The following ASIC2 variants were observed in gnomAD, a reference collection of about 807,000 sequenced individuals.
ASIC2 encodes acid-sensing ion channel 2.
A neutral mutation model predicts 57.3 loss-of-function variants in ASIC2; 25 were observed. The observed-to-expected ratio is 0.44, with a 90% CI of 0.32 to 0.61. ASIC2 has a LOEUF of 0.61. Among genes scored for constraint, ASIC2 ranks in the 20% least tolerant of loss-of-function variants. The pLI, the probability that ASIC2 is intolerant of heterozygous loss-of-function variation, is 0.06. For missense variants in ASIC2, 641 were observed against 738.1 expected (o/e 0.87, Z 1.52); for synonymous variants, 319 against 307.5 (o/e 1.04, Z -0.39).
chr17:33,653,824 T>C (rs1225256900), intron 1 of ASIC2, among the ~76,000 whole-genome samples: 1 of 152,238 alleles, frequency 6.6e-6, no homozygotes, highest in Non-Finnish European at 1.5e-5. Context: ...TCTGTAAATA[T>C]TGTTATTATT....
intron 1 of ASIC2, among the ~76,000 whole-genome samples, chr17:33,309,707 T>G (rs755207380): frequency 9.9e-5 from 15 of 151,952 alleles, no homozygotes; most frequent in Non-Finnish European, 2.2e-4. Flanking sequence ...GTCCATCCCT[T>G]AAAACCCCTT....
At chr17:33,147,918 T>C (rs977441937) in intron 1 of ASIC2, among the ~76,000 whole-genome samples, 1 of 152,182 alleles carries the variant, frequency 6.6e-6, no homozygotes, top group Non-Finnish European at 1.5e-5. Context: ...CCGGGATGCA[T>C]AGCTCTGTAT....
chr17:33,343,292 C>T (rs140279235), intron 1 of ASIC2, among the ~76,000 whole-genome samples: 56 of 152,274 alleles, frequency 3.7e-4, no homozygotes, highest in South Asian at 3.5e-3. Flanking sequence ...TCCCTTTATT[C>T]TTCTACACTC....
intron 1 of ASIC2, among the ~76,000 whole-genome samples, chr17:33,782,455 G>T (rs76647878): frequency 1.3e-5 from 2 of 151,130 alleles, no homozygotes; most frequent in African/African-American, 4.9e-5. Flanking sequence ...AGCTGGCCAG[G>T]CATGGTGGCT....
intron 1 of ASIC2, among the ~76,000 whole-genome samples, chr17:33,208,484 A>G (rs2142085343): frequency 6.6e-6 from 1 of 152,058 alleles, no homozygotes; most frequent in South Asian, 2.1e-4. Flanking sequence ...TCTTGCTGGC[A>G]CTTTGCCTGG....
chr17:34,039,237 G>A, intron 1 of ASIC2: 1 of 1,613,912 alleles, frequency 6.2e-7, no homozygotes, highest in South Asian at 1.1e-5. Flanking sequence ...TTTCTATTGT[G>A]AGGTCGGACT....
intron 1 of ASIC2, among the ~76,000 whole-genome samples, chr17:33,518,907 G>A (rs554421442): frequency 1.2e-4 from 18 of 151,606 alleles, no homozygotes; most frequent in African/African-American, 3.9e-4. Flanking sequence ...TGCAAGCTCC[G>A]CCTTCCGGGT....
chr17:33,578,711 G>A (rs377148362), intron 1 of ASIC2, among the ~76,000 whole-genome samples: 7 of 152,178 alleles, frequency 4.6e-5, no homozygotes, highest in African/African-American at 7.2e-5. Context: ...CAACTGACCC[G>A]GCTTGACCTT....
At position 33,429,571 on chromosome 17, in the gene ASIC2, T is replaced by C. The variant is rs191853859; in HGVS notation, c.556-317504A>G. On this transcript the variant is annotated intron_variant, in intron 1 of 9. Coordinates refer to the ASIC2 transcript ENST00000359872. ...ATGCCCAGCTAATTGTTTGTATTTT[T>C]AGTAGAGACGGGGTTTCACTGTGTT... Among the ~76,000 whole-genome samples the C allele has an allele frequency of 2.2e-4, 33 of 152,140 alleles. No homozygotes were observed. In the East Asian group the frequency reaches 3.5e-3, roughly 16 times the overall value.
intron 1 of ASIC2, among the ~76,000 whole-genome samples, chr17:33,532,953 C>G (rs11652482): frequency 0.33 from 50,595 of 152,136 alleles, 9,064 homozygotes; most frequent in East Asian, 0.63. Context: ...ACCAAAAATA[C>G]GTCCAAAGAT....
chr17:33,610,000 C>T (rs1380360345), intron 1 of ASIC2, among the ~76,000 whole-genome samples: 1 of 150,910 alleles, frequency 6.6e-6, no homozygotes, highest in Non-Finnish European at 1.5e-5. Flanking sequence ...CCTCGCCTGA[C>T]AGATGGAGCT....
rs370583895 is a variant in ASIC2 at position 33,867,574 on chromosome 17, G to A, written c.555+288404C>T. Among the ~76,000 whole-genome samples, 16 of 152,266 alleles carry A rather than the reference G, an allele frequency of 1.1e-4. No homozygotes were observed. In the East Asian group the frequency reaches 2.1e-3, roughly 20 times the overall value. ...GCAAAGCAAAAGTTCAATTAAGGAGGCTATGAGGGTTATCACAGATGCAGG... is the reference window on the plus strand; with the variant it reads ...GCAAAGCAAAAGTTCAATTAAGGAGACTATGAGGGTTATCACAGATGCAGG... On this transcript the variant is annotated intron_variant, in intron 1 of 9. Transcript: ENST00000359872.
At chr17:33,623,242 T>TTG (rs1555547986) in intron 1 of ASIC2, among the ~76,000 whole-genome samples, 351 of 73,886 alleles carry the variant, frequency 4.8e-3, no homozygotes, top group African/African-American at 8.0e-3. Context: ...TATCGTTTTT[T>TTG]TTTGTTTGTT....
At chr17:33,441,569 T>C (rs1430803352) in intron 1 of ASIC2, among the ~76,000 whole-genome samples, 3 of 152,184 alleles carry the variant, frequency 2.0e-5, no homozygotes, top group Non-Finnish European at 4.4e-5. Flanking sequence ...CCATGAACAT[T>C]TGAGAAAACA....
intron 1 of ASIC2, among the ~76,000 whole-genome samples, chr17:33,954,232 G>A (rs147013426): frequency 5.9e-5 from 9 of 152,304 alleles, no homozygotes; most frequent in Non-Finnish European, 1.0e-4. Flanking sequence ...AGGCAAAACC[G>A]TGCCCCAGCC....
chr17:33,788,886 C>T (rs965925688), intron 1 of ASIC2, among the ~76,000 whole-genome samples: 1 of 152,130 alleles, frequency 6.6e-6, no homozygotes, highest in African/African-American at 2.4e-5. Context: ...GAACAACACA[C>T]ACCAGGGCCT....
At chr17:34,086,379 T>C (rs1283990069) in intron 1 of ASIC2, among the ~76,000 whole-genome samples, 1 of 152,254 alleles carries the variant, frequency 6.6e-6, no homozygotes, top group African/African-American at 2.4e-5. Flanking sequence ...TGAGTTCTAA[T>C]TTGATTGCAC....
At chr17:33,382,641 C>T (rs1455606461) in intron 1 of ASIC2, among the ~76,000 whole-genome samples, 1 of 152,214 alleles carries the variant, frequency 6.6e-6, no homozygotes, top group Non-Finnish European at 1.5e-5. Flanking sequence ...ATTCGATTCC[C>T]TGTAACATGA....
chr17:33,423,399 A>G (rs1171690364), intron 1 of ASIC2, among the ~76,000 whole-genome samples: 6 of 152,186 alleles, frequency 3.9e-5, no homozygotes, highest in Admixed American at 2.0e-4. Context: ...CCATTTCCTC[A>G]TCTGTAAAAA....
Sources: allele counts gnomAD v4.1 joint callset (sites outside exome capture counted in the v4.1 genomes callset), GRCh38; gene constraint gnomAD v4.1.1; transcripts MANE v1.5; gene names NCBI Gene and HGNC (gene_info 2026-07-23, HGNC 2026-07-21).